MAGI2: variants seen among roughly 807,000 people sequenced by gnomAD.
The protein encoded by MAGI2 is membrane associated guanylate kinase, WW and PDZ domain containing 2.
A neutral mutation model predicts 133.3 loss-of-function variants in MAGI2; 35 were observed. That is an observed-to-expected ratio of 0.26 (90% CI 0.20 to 0.35). The LOEUF is 0.35. MAGI2 is among the 10% of genes least tolerant of loss of function. MAGI2 has a pLI of 1.00. For synonymous variants in MAGI2, 729 were observed against 710.6 expected (o/e 1.03, Z -0.41); for missense variants, 1,636 against 1,863.4 (o/e 0.88, Z 2.25).
At chr7:78,410,244 A>C (rs1583962705) in intron 6 of MAGI2, among the ~76,000 whole-genome samples, 2 of 152,090 alleles carry the variant, frequency 1.3e-5, no homozygotes, top group East Asian at 3.9e-4. Flanking sequence ...GACTTTACAG[A>C]ATAAGCGGGA....
chr7:78,971,221 C>T (rs905223467), intron 2 of MAGI2, among the ~76,000 whole-genome samples: 1 of 151,980 alleles, frequency 6.6e-6, no homozygotes, highest in Non-Finnish European at 1.5e-5. Context: ...AATGCCTCAG[C>T]ATATGGGAGG....
At chr7:79,055,449 T>C (rs969835621) in intron 1 of MAGI2, among the ~76,000 whole-genome samples, 7 of 152,206 alleles carry the variant, frequency 4.6e-5, no homozygotes, top group African/African-American at 1.7e-4. Flanking sequence ...ATATTTTATA[T>C]TAAGTACGTG....
At chr7:78,843,149 A>G (rs976781727) in intron 2 of MAGI2, among the ~76,000 whole-genome samples, 1 of 151,918 alleles carries the variant, frequency 6.6e-6, no homozygotes, top group African/African-American at 2.4e-5. Context: ...CCTGGCCTCT[A>G]TCCACCAGAT....
At chr7:78,413,155 GT>G (rs1398708307) in intron 6 of MAGI2, among the ~76,000 whole-genome samples, 2 of 152,064 alleles carry the variant, frequency 1.3e-5, no homozygotes, top group Non-Finnish European at 2.9e-5. Flanking sequence ...AATGAGAAAA[GT>G]TGTATTAGAT....
chr7:78,839,184 G>T (rs1791909599), intron 2 of MAGI2, among the ~76,000 whole-genome samples: 1 of 151,906 alleles, frequency 6.6e-6, no homozygotes, highest in Non-Finnish European at 1.5e-5. Flanking sequence ...GGCATATGAG[G>T]CATAGGATAT....
intron 2 of MAGI2, among the ~76,000 whole-genome samples, chr7:78,660,974 C>G (rs1218823852): frequency 6.6e-6 from 1 of 152,132 alleles, no homozygotes; most frequent in Non-Finnish European, 1.5e-5. Context: ...AATCTTGTTT[C>G]TTGAGACTCG....
chr7:78,584,160 G>A (rs1291918202), intron 3 of MAGI2, among the ~76,000 whole-genome samples: 4 of 152,264 alleles, frequency 2.6e-5, no homozygotes, highest in East Asian at 3.9e-4. Flanking sequence ...GGTGGCTCAC[G>A]CCTGTAATCC....
At chr7:78,938,458 A>T (rs556307169) in intron 2 of MAGI2, among the ~76,000 whole-genome samples, 5 of 152,200 alleles carry the variant, frequency 3.3e-5, no homozygotes, top group South Asian at 2.1e-4. Flanking sequence ...TGATATATAT[A>T]TTTTTGTTTA....
intron 3 of MAGI2, among the ~76,000 whole-genome samples, chr7:78,558,971 T>C (rs937702310): frequency 3.3e-5 from 5 of 151,264 alleles, no homozygotes; most frequent in African/African-American, 9.7e-5. Flanking sequence ...ATGAGACTAA[T>C]TTTAAATTTC....
At chr7:79,258,402 C>T (rs1252317754) in intron 1 of MAGI2, among the ~76,000 whole-genome samples, 1 of 152,144 alleles carries the variant, frequency 6.6e-6, no homozygotes, top group African/African-American at 2.4e-5. Flanking sequence ...TTATATTACT[C>T]CCAATATCTC....
At chr7:79,088,490 G>A (rs886319611) in intron 1 of MAGI2, among the ~76,000 whole-genome samples, 4 of 151,964 alleles carry the variant, frequency 2.6e-5, no homozygotes, top group Non-Finnish European at 5.9e-5. Flanking sequence ...TTTCCTATTT[G>A]AATACTTTAT....
chr7:79,346,594 GTCTT>G (rs1244129694), intron 1 of MAGI2, among the ~76,000 whole-genome samples: 1 of 151,928 alleles, frequency 6.6e-6, no homozygotes, highest in African/African-American at 2.4e-5. Flanking sequence ...TCTGTACTGA[GTCTT>G]TCTTCAGTTC....
intron 1 of MAGI2, among the ~76,000 whole-genome samples, chr7:79,249,515 G>A (rs1833074407): frequency 6.6e-6 from 1 of 152,058 alleles, no homozygotes; most frequent in Admixed American, 6.6e-5. Context: ...AAGCTACTAT[G>A]AGCAATTATA....
intron 13 of MAGI2, among the ~76,000 whole-genome samples, chr7:78,179,567 G>A (rs1332413935): frequency 1.3e-5 from 2 of 152,098 alleles, no homozygotes; most frequent in Non-Finnish European, 1.5e-5. Context: ...GATGAATCAG[G>A]CGCTTAAGTA....
chr7:78,500,249 A>G (rs1794501091), intron 5 of MAGI2, among the ~76,000 whole-genome samples: 1 of 152,226 alleles, frequency 6.6e-6, no homozygotes, highest in Non-Finnish European at 1.5e-5. Context: ...AATTCTGCCT[A>G]TAGAGATCTA....
chr7:79,263,612 C>A (rs1010953366), intron 1 of MAGI2, among the ~76,000 whole-genome samples: 6 of 152,112 alleles, frequency 3.9e-5, no homozygotes, highest in Non-Finnish European at 8.8e-5. Context: ...ATTTATCCTG[C>A]AATCATGAGA....
At chr7:79,198,713 C>T (rs1049443660) in intron 1 of MAGI2, among the ~76,000 whole-genome samples, 13 of 151,840 alleles carry the variant, frequency 8.6e-5, no homozygotes, top group East Asian at 3.9e-4. Flanking sequence ...ATGGTGAAAC[C>T]CTGTCTCTAC....
chr7:79,197,463 C>A (rs911098512), intron 1 of MAGI2, among the ~76,000 whole-genome samples: 2 of 151,966 alleles, frequency 1.3e-5, no homozygotes, highest in Non-Finnish European at 2.9e-5. Context: ...TCACAACCAG[C>A]GCTTGCTCCA....
chr7:78,497,952 TG>T lies in MAGI2; in HGVS notation c.965+3624del, dbSNP rs1794276160. On this transcript the variant is annotated intron_variant, in intron 5 of 21. Coordinates refer to ENST00000354212, the MANE Select transcript of MAGI2 (RefSeq NM_012301.4). ...ATCTGTACAAGAGAAAAGTTTTTACTGATGTCAGCACTTCTTCCCTCACAAA... is the reference window on the plus strand; with the variant it reads ...ATCTGTACAAGAGAAAAGTTTTTACTATGTCAGCACTTCTTCCCTCACAAA... Among the ~76,000 whole-genome samples, 3 of 152,302 alleles carry T rather than the reference TG, an allele frequency of 2.0e-5. No homozygotes were observed. The South Asian group carries it at 6.2e-4, about 32-fold the overall frequency.
Sources: gnomAD v4.1 joint callset for allele counts (sites outside exome capture counted in the v4.1 genomes callset) on GRCh38, gnomAD v4.1.1 for gene constraint, MANE v1.5 for transcripts, NCBI Gene and HGNC (gene_info 2026-07-23, HGNC 2026-07-21) for gene names.